VPS9D1: variants seen among roughly 807,000 people sequenced by gnomAD.
The protein encoded by VPS9D1 is VPS9 domain containing 1.
In VPS9D1, 78 loss-of-function variants were observed where a neutral mutation model predicts 75.8. The observed-to-expected ratio is 1.03, with a 90% CI of 0.86 to 1.24. The LOEUF is 1.24. VPS9D1 is among the 50% of genes most tolerant of loss of function. The pLI, the probability that VPS9D1 is intolerant of heterozygous loss-of-function variation, is 0.00. For missense variants in VPS9D1, 1,057 were observed against 847.7 expected (o/e 1.25, Z -3.07); for synonymous variants, 481 against 385.6 (o/e 1.25, Z -2.90).
At chr16:89,720,102 T>C (rs2061209877) in intron 1 of VPS9D1, among the ~76,000 whole-genome samples, 1 of 152,212 alleles carries the variant, frequency 6.6e-6, no homozygotes, top group South Asian at 2.1e-4. Flanking sequence ...CGAAATATAA[T>C]CCAGGCAGGA....
chr16:89,718,815 G>C (rs566699823), intron 2 of VPS9D1, among the ~76,000 whole-genome samples: 1 of 151,908 alleles, frequency 6.6e-6, no homozygotes, highest in South Asian at 2.1e-4. Context: ...CCGGGTTCAA[G>C]CAATTCTCCT....
At chr16:89,719,558 T>G (rs1473773878) in intron 1 of VPS9D1, among the ~76,000 whole-genome samples, 1 of 152,228 alleles carries the variant, frequency 6.6e-6, no homozygotes, top group African/African-American at 2.4e-5. Flanking sequence ...GGAGTGATAC[T>G]GGAAGTTTTC....
At chr16:89,717,658 C>G in intron 2 of VPS9D1, 1 of 456,580 alleles carries the variant, frequency 2.2e-6, no homozygotes, top group Non-Finnish European at 4.4e-6. Context: ...TGCCCTTACC[C>G]GTCCCCACCT....
At chr16:89,718,256 C>A in intron 2 of VPS9D1, 1 of 367,234 alleles carries the variant, frequency 2.7e-6, no homozygotes, top group Non-Finnish European at 5.5e-6. Context: ...AGGCCGTTTA[C>A]TGCTCCCATC....
At chr16:89,712,126 G>T (rs2060946154) in intron 6 of VPS9D1, 27 bp from the exon 7 acceptor site, 1 of 1,548,206 alleles carries the variant, frequency 6.5e-7, no homozygotes, top group Non-Finnish European at 8.7e-7. Context: ...GGGGCCGAGC[G>T]TGGGATCTGA....
Position 89,716,829 on chromosome 16 carries a change from G to T in VPS9D1, c.176-7C>A. ...GGCACAGTTTCCCCAGCTTCTGGGG[G>T]AGGGACAAGAAGGCTGGTCACAGTC... On this transcript the variant is annotated splice_polypyrimidine_tract_variant and splice_region_variant and intron_variant, in intron 2 of 14. Coordinates refer to ENST00000389386, the MANE Select transcript of VPS9D1 (RefSeq NM_004913.3). The T allele has an allele frequency of 3.8e-6, 6 of 1,586,414 alleles. No homozygotes were observed. The highest frequency in any genetic ancestry group is 5.1e-6 in the Non-Finnish European group (6 of 1,171,656).
Position 89,710,605 on chromosome 16 carries a change from C to T in VPS9D1, c.1239G>A (p.Glu413=), listed in dbSNP as rs760011885. The change falls in exon 10 of 15, where the codon GAG becomes GAA. Residue 413 remains glutamate, a synonymous_variant. Transcript: ENST00000389386. ...CCTCACCTACGGCATTGTGGATCTC[C>T]TCCACCGCGGTCTTCAGCTGCTGCA... ...PQLQQLKTAV[E]EIHNAVDRLL... is the part of the protein sequence containing the mutation. 2.5e-6 allele frequency: 4 copies of T among 1,604,044 alleles called. No individual in the cohort carries two copies. The highest frequency in any genetic ancestry group is 3.4e-6 in the Non-Finnish European group (4 of 1,172,920).
Position 89,711,914 on chromosome 16 carries a change from A to T in VPS9D1, c.715T>A (p.Tyr239Asn). The T allele has an allele frequency of 6.4e-7, 1 of 1,551,510 alleles. No individual in the cohort carries two copies. Reference protein sequence around the residue: ...TPEEREQRALYAAILEYEQDH... With the variant: ...TPEEREQRALNAAILEYEQDH... ...TGTTCGTACTCCAGGATGGCGGCGT[A>T]AAGGGCCCGCTGCTCCCGTTCCTCC... is the stretch of plus-strand genomic sequence containing the variant. The change falls in exon 8 of 15, where the codon TAC becomes AAC. Residue 239 changes from tyrosine (Y) to asparagine (N), a missense_variant. Transcript: ENST00000389386.
rs2060889744 is a variant in VPS9D1, at chr16:89,710,489, C to CT, written c.1258+96dup. ...GTGGATGTAAGTCTGATCAGAGTCT[C>CT]TGATCAACAGACCCTTCCCCAAACA... On this transcript the variant is annotated intron_variant, in intron 10 of 14. Transcript: ENST00000389386. 2.2e-6 allele frequency: 3 copies of CT among 1,354,702 alleles called. No homozygotes were observed. The Admixed American group carries it at 7.5e-5, about 34-fold the overall frequency. 83.9% of individuals were successfully genotyped at this position (1,354,702 alleles called of 1,614,324 possible).
intron 6 of VPS9D1, 82 bp from the exon 7 acceptor site, chr16:89,712,181 G>C: frequency 2.6e-6 from 4 of 1,534,452 alleles, no homozygotes; most frequent in Non-Finnish European, 3.5e-6. Context: ...GGAGAGGCCG[G>C]GACGTCCCAG....
At chr16:89,718,823 C>T (rs1177557769) in intron 2 of VPS9D1, among the ~76,000 whole-genome samples, 1 of 151,746 alleles carries the variant, frequency 6.6e-6, no homozygotes, top group Non-Finnish European at 1.5e-5. Context: ...AAGCAATTCT[C>T]CTGCCTCAGC....
In VPS9D1 at chr16:89,712,072, G is replaced by A. The variant is rs1284561254; in HGVS notation, c.634C>T (p.Leu212=). The A allele has an allele frequency of 8.4e-6, 13 of 1,548,434 alleles. No homozygotes were observed. Among genetic ancestry groups the A allele is most frequent in the Non-Finnish European group, 1.1e-5 (13 of 1,146,818 alleles). ...CTGTTGGCGGCCTCCTGGAGCCGCA[G>A]CCGGCGCTCCTCCATCTTTCTCTGG... is the stretch of plus-strand genomic sequence containing the variant. ...TLQRKMEERR[L]RLQEAANRRF... The change falls in exon 7 of 15, where the codon CTG becomes TTG. Residue 212 remains leucine (L), a synonymous_variant. Coordinates refer to ENST00000389386, the MANE Select transcript of VPS9D1 (RefSeq NM_004913.3).
intron 13 of VPS9D1, 127 bp downstream of exon 13, chr16:89,708,730 G>A (rs186047519): frequency 4.0e-4 from 470 of 1,169,566 alleles, no homozygotes; most frequent in Admixed American, 6.8e-4. Context: ...GGGCCCACAC[G>A]GCCCTCCTGC....
At chr16:89,717,000 C>T (rs1488783592) in intron 2 of VPS9D1, 178 bp from the exon 3 acceptor site, 28 of 456,972 alleles carry the variant, frequency 6.1e-5, no homozygotes, top group Non-Finnish European at 9.6e-5. Flanking sequence ...AGCCCACTGC[C>T]CCCCCATCCC....
Position 89,708,838 on chromosome 16 carries a change from TCG to T in VPS9D1, c.1697+17_1697+18del. ...AGGGCCCTTCCTCCCTGGCCACACC[TCG>T]CCCTCCTGGGACTCACATGGCAGCT... On this transcript the variant is annotated intron_variant, in intron 13 of 14. Coordinates refer to ENST00000389386, the MANE Select transcript of VPS9D1 (RefSeq NM_004913.3). 3 of 1,567,890 alleles carry T rather than the reference TCG, an allele frequency of 1.9e-6. No individual in the cohort carries two copies. The highest frequency in any genetic ancestry group is 2.6e-6 in the Non-Finnish European group (3 of 1,164,728).
intron 1 of VPS9D1, 128 bp downstream of exon 1, chr16:89,720,635 C>A: frequency 1.6e-6 from 2 of 1,226,886 alleles, no homozygotes; most frequent in Non-Finnish European, 2.0e-6. Flanking sequence ...GGAACCGCGG[C>A]CCGGGATCCC....
Position 89,710,737 on chromosome 16 carries a change from G to A in VPS9D1, c.1107C>T (p.Thr369=). 1 of 1,587,066 alleles carries A rather than the reference G, an allele frequency of 6.3e-7. No homozygotes were observed. The highest frequency in any genetic ancestry group is 8.6e-7 in the Non-Finnish European group (1 of 1,166,964). Residue 369 remains threonine (T), a synonymous_variant, in exon 10 of 15, where the codon ACC becomes ACT. Coordinates refer to ENST00000389386, the MANE Select transcript of VPS9D1 (RefSeq NM_004913.3). ...PVGSPSPLGD[T]ASGLPDKDSS... ...TGTCCTTGTCTGGCAATCCAGATGCGGTGTCCCCCAGGGGTGAGGGAGACC... is the reference window on the plus strand; with the variant it reads ...TGTCCTTGTCTGGCAATCCAGATGCAGTGTCCCCCAGGGGTGAGGGAGACC...
At chr16:89,716,937 C>T in intron 2 of VPS9D1, 115 bp from the exon 3 acceptor site, 1 of 989,978 alleles carries the variant, frequency 1.0e-6, no homozygotes, top group East Asian at 3.0e-5. Flanking sequence ...TCAGCACCCC[C>T]ACTGACCCCG....
At chr16:89,718,169 T>C in intron 2 of VPS9D1, 3 of 416,716 alleles carry the variant, frequency 7.2e-6, no homozygotes, top group Middle Eastern at 3.5e-4. Flanking sequence ...AACTTGCTAT[T>C]CCTCTCCTTG....
Sources: allele counts gnomAD v4.1 joint callset (sites outside exome capture counted in the v4.1 genomes callset), GRCh38; gene constraint gnomAD v4.1.1; transcripts MANE v1.5; gene names NCBI Gene and HGNC (gene_info 2026-07-23, HGNC 2026-07-21).